The following MNAT1 variants were observed in gnomAD, a reference collection of about 807,000 sequenced individuals.
The protein encoded by MNAT1 is MNAT1 component of CDK activating kinase, also known as CDK-activating kinase assembly factor MAT1.
MNAT1 carries 43 observed loss-of-function variants against 42.0 expected under a neutral mutation model. That is an observed-to-expected ratio of 1.02 (90% CI 0.80 to 1.32). The LOEUF is 1.32. MNAT1 is among the 40% of genes most tolerant of loss of function. MNAT1 has a pLI of 0.00. For missense variants in MNAT1, 306 were observed against 350.4 expected, an observed-to-expected ratio of 0.87 and a Z score of 1.01; for synonymous variants, 118 against 120.0, an observed-to-expected ratio of 0.98 and a Z score of 0.11.
intron 1 of MNAT1, among the ~76,000 whole-genome samples, chr14:60,792,270 G>T (rs1351489781): frequency 1.3e-5 from 2 of 152,092 alleles, no homozygotes; most frequent in Non-Finnish European, 1.5e-5. Context: ...TTAGAGCAGA[G>T]ATTTTTGGCA....
intron 7 of MNAT1, among the ~76,000 whole-genome samples, chr14:60,921,933 C>T (rs1319712089): frequency 6.6e-6 from 1 of 152,074 alleles, no homozygotes; most frequent in Non-Finnish European, 1.5e-5. Context: ...TTTTAAAATT[C>T]TTTAATTTCA....
At chr14:60,851,262 G>A (rs546580977) in intron 6 of MNAT1, among the ~76,000 whole-genome samples, 1 of 152,280 alleles carries the variant, frequency 6.6e-6, no homozygotes, top group Non-Finnish European at 1.5e-5. Context: ...AGCTGCTTAA[G>A]TACTTATGAA....
intron 6 of MNAT1, among the ~76,000 whole-genome samples, chr14:60,872,841 C>T (rs1436054500): frequency 1.4e-5 from 2 of 143,336 alleles, no homozygotes; most frequent in Non-Finnish European, 3.0e-5. Context: ...CACATACACA[C>T]ACACACACAC....
chr14:60,848,694 T>C (rs1344345894), intron 6 of MNAT1, among the ~76,000 whole-genome samples: 1 of 152,166 alleles, frequency 6.6e-6, no homozygotes, highest in Non-Finnish European at 1.5e-5. Flanking sequence ...ATATCCCCTA[T>C]AGATGTATTT....
At chr14:60,934,160 G>A (rs1486626415) in intron 7 of MNAT1, among the ~76,000 whole-genome samples, 2 of 152,194 alleles carry the variant, frequency 1.3e-5, no homozygotes, top group African/African-American at 4.8e-5. Context: ...CTGGGCAAGT[G>A]TTCTTCCAAG....
chr14:60,788,685 C>T lies in MNAT1; in HGVS notation c.90-7532C>T, dbSNP rs2031727445. ...TATCAGCACTTGCTGCTTCACCTTG[C>T]ACTTTTATGTTATGGAAACAGCATC... On this transcript the variant is annotated intron_variant, in intron 1 of 7. Coordinates refer to ENST00000261245, the MANE Select transcript of MNAT1 (RefSeq NM_002431.4). Among the ~76,000 whole-genome samples the T allele has an allele frequency of 2.0e-5, 3 of 152,212 alleles. No homozygotes were observed. The South Asian group carries it at 6.2e-4, about 31-fold the overall frequency.
intron 7 of MNAT1, among the ~76,000 whole-genome samples, chr14:60,939,044 T>C (rs2036075217): frequency 6.6e-6 from 1 of 152,238 alleles, no homozygotes; most frequent in Non-Finnish European, 1.5e-5. Context: ...TATTCTCTGA[T>C]GGTAGTTTGT....
intron 1 of MNAT1, among the ~76,000 whole-genome samples, chr14:60,794,706 G>GTA (rs920089985): frequency 2.8e-5 from 4 of 141,460 alleles, no homozygotes; most frequent in Admixed American, 7.1e-5. Context: ...ACATATGTGT[G>GTA]TATATATATG....
rs1445518603 is a variant in MNAT1 at position 60,740,243 on chromosome 14, C to T, written c.89+5292C>T. On this transcript the variant is annotated intron_variant, in intron 1 of 7. Transcript: ENST00000261245. This position sits in a 1 kb window ranked among gnomAD's most constrained non-coding sequence, Gnocchi z 4.1. ...CTAAATCTACTTTTTTCATCACGCACGAGACGCAAAGTACAAGATAAGCAA... is the reference window on the plus strand; with the variant it reads ...CTAAATCTACTTTTTTCATCACGCATGAGACGCAAAGTACAAGATAAGCAA... Among the ~76,000 whole-genome samples, 2 of 152,162 alleles carry T rather than the reference C, an allele frequency of 1.3e-5. No individual in the cohort carries two copies. The highest frequency in any genetic ancestry group is 2.9e-5 in the Non-Finnish European group (2 of 68,016).
chr14:60,762,799 T>G (rs1437227119), intron 1 of MNAT1, among the ~76,000 whole-genome samples: 1 of 151,820 alleles, frequency 6.6e-6, no homozygotes. Flanking sequence ...TGTCAGTAAT[T>G]TTTCTATATG....
intron 1 of MNAT1, among the ~76,000 whole-genome samples, chr14:60,750,328 G>A (rs1227717730): frequency 6.6e-6 from 1 of 151,348 alleles, no homozygotes; most frequent in Non-Finnish European, 1.5e-5. Context: ...CTGGGTTCAC[G>A]GCATTCTCCT....
chr14:60,794,656 A>T (rs1474411837), intron 1 of MNAT1, among the ~76,000 whole-genome samples: 2,230 of 83,338 alleles, frequency 0.027, 24 homozygotes, highest in African/African-American at 0.079. Flanking sequence ...AAAAAAAAAA[A>T]AAAAATATAT....
At chr14:60,905,188 T>C (rs950913678) in intron 7 of MNAT1, among the ~76,000 whole-genome samples, 1 of 152,040 alleles carries the variant, frequency 6.6e-6, no homozygotes, top group African/African-American at 2.4e-5. Context: ...AAATGTCTAC[T>C]ATCATGAAGC....
At chr14:60,874,717 C>A (rs1223830256) in intron 6 of MNAT1, among the ~76,000 whole-genome samples, 1 of 151,996 alleles carries the variant, frequency 6.6e-6, no homozygotes, top group Admixed American at 6.6e-5. Context: ...TAATTTGAAT[C>A]CTCCTTTTTC....
chr14:60,877,003 C>T (rs1473684022), intron 6 of MNAT1, among the ~76,000 whole-genome samples: 12 of 152,126 alleles, frequency 7.9e-5, no homozygotes, highest in East Asian at 1.9e-4. Context: ...TTTTTGAGGA[C>T]GTGCCATACC....
At chr14:60,796,403 A>T (rs758992957) in intron 2 of MNAT1, 34 bp downstream of exon 2, 1 of 1,586,252 alleles carries the variant, frequency 6.3e-7, no homozygotes, top group Non-Finnish European at 8.6e-7. Flanking sequence ...TCAGTCAACA[A>T]AGAGGACTTT....
intron 7 of MNAT1, among the ~76,000 whole-genome samples, chr14:60,885,038 G>T (rs543506070): frequency 6.6e-6 from 1 of 152,036 alleles, no homozygotes; most frequent in South Asian, 2.1e-4. Context: ...TTCCACTGAA[G>T]AGTTCGCTGC....
At chr14:60,735,476 G>A (rs1046097518) in intron 1 of MNAT1, among the ~76,000 whole-genome samples, 2 of 152,170 alleles carry the variant, frequency 1.3e-5, no homozygotes, top group Admixed American at 6.5e-5. Context: ...CGGACTGTAG[G>A]TAGTTAATTT....
intron 7 of MNAT1, among the ~76,000 whole-genome samples, chr14:60,896,539 G>T (rs2034960252): frequency 6.6e-6 from 1 of 152,142 alleles, no homozygotes; most frequent in African/African-American, 2.4e-5. Flanking sequence ...AAACTAGAGT[G>T]CAGTGGCGTG....
Sources: allele counts gnomAD v4.1 joint callset (sites outside exome capture counted in the v4.1 genomes callset), GRCh38; gene constraint gnomAD v4.1.1; non-coding constraint Gnocchi (gnomAD v3.1); transcripts MANE v1.5; gene names NCBI Gene and HGNC (gene_info 2026-07-23, HGNC 2026-07-21).